FAAH2: variants seen among roughly 807,000 people sequenced by gnomAD.
The protein encoded by FAAH2 is fatty-acid amide hydrolase 2.
FAAH2 carries 60 observed loss-of-function variants against 36.9 expected under a neutral mutation model. The observed-to-expected ratio is 1.63, with a 90% CI of 1.32 to 2.02. The LOEUF is 2.02. Among genes scored for constraint, FAAH2 ranks in the 30% most tolerant of loss-of-function variants. The pLI is 0.00. For missense variants in FAAH2, 689 were observed against 397.5 expected (o/e 1.73, Z -6.23); for synonymous variants, 214 against 143.8 (o/e 1.49, Z -3.49).
Position 57,348,581 on chromosome X carries a change from C to A in FAAH2, c.742+7191C>A, listed in dbSNP as rs140267137. Among the ~76,000 whole-genome samples, 133 of 111,178 alleles carry A rather than the reference C, an allele frequency of 1.2e-3. 1 individual carries two copies. In the East Asian group the frequency reaches 0.02, roughly 17 times the overall value. The stretch of plus-strand genomic sequence containing the variant: ...TTAGCTACCACTGTGACCGCTGAAG[C>A]CTGAAGACAGGCCCAACTGGTGTCA... On this transcript the variant is annotated intron_variant, in intron 5 of 10. Coordinates refer to ENST00000374900, the MANE Select transcript of FAAH2 (RefSeq NM_174912.4).
chrX:57,192,142 T>A, the FAAH2 span, among the ~76,000 whole-genome samples: 16 of 111,988 alleles, frequency 1.4e-4, no homozygotes, highest in Admixed American at 1.3e-3. Flanking sequence ...CAATTTTTTT[T>A]AAATAAATGT....
intron 8 of FAAH2, among the ~76,000 whole-genome samples, chrX:57,442,951 G>T (rs987612631): frequency 2.7e-5 from 3 of 111,577 alleles, no homozygotes; most frequent in African/African-American, 9.8e-5. Flanking sequence ...ACTCTCTTCT[G>T]GTTTGTAGAG....
At chrX:57,375,529 G>A (rs990654077) in intron 5 of FAAH2, among the ~76,000 whole-genome samples, 9 of 109,786 alleles carry the variant, frequency 8.2e-5, no homozygotes, top group African/African-American at 2.3e-4. Context: ...GTTCATACTA[G>A]CCTTGTGTGA....
chrX:57,252,201 G>C, the FAAH2 span, among the ~76,000 whole-genome samples: 3 of 112,414 alleles, frequency 2.7e-5, no homozygotes, highest in East Asian at 8.5e-4. Context: ...TTGAGAAGGC[G>C]GTTCTATGCT....
the FAAH2 span, among the ~76,000 whole-genome samples, chrX:57,184,164 C>T: frequency 9.0e-6 from 1 of 111,519 alleles, no homozygotes; most frequent in African/African-American, 3.3e-5. Context: ...CTGCTTTTGT[C>T]GTTTGTCCTG....
At chrX:57,375,078 T>C (rs1467395513) in intron 5 of FAAH2, among the ~76,000 whole-genome samples, 1 of 111,079 alleles carries the variant, frequency 9.0e-6, no homozygotes, top group Non-Finnish European at 1.9e-5. Flanking sequence ...ACTCACTTGA[T>C]CATGGTAGAT....
chrX:57,168,527 A>G, the FAAH2 span, among the ~76,000 whole-genome samples: 1 of 112,229 alleles, frequency 8.9e-6, no homozygotes, highest in African/African-American at 3.2e-5. Flanking sequence ...CCTTTGGCTT[A>G]AAAGAGAAGG....
At chrX:57,263,062 TA>T in the FAAH2 span, among the ~76,000 whole-genome samples, 4 of 111,404 alleles carry the variant, frequency 3.6e-5, no homozygotes, top group African/African-American at 6.5e-5. Context: ...CAAAAATTTT[TA>T]TTCTCACCAC....
chrX:57,278,802 A>G, the FAAH2 span, among the ~76,000 whole-genome samples: 1 of 112,263 alleles, frequency 8.9e-6, no homozygotes, highest in South Asian at 3.7e-4. Context: ...AAGTATAAGA[A>G]CAGATACTTC....
chrX:57,196,466 G>A, the FAAH2 span, among the ~76,000 whole-genome samples: 1 of 111,275 alleles, frequency 9.0e-6, no homozygotes, highest in African/African-American at 3.3e-5. Flanking sequence ...TTCTGGATGA[G>A]TCTTTAGGGT....
At chrX:57,259,785 T>A in the FAAH2 span, among the ~76,000 whole-genome samples, 1 of 112,064 alleles carries the variant, frequency 8.9e-6, no homozygotes, top group African/African-American at 3.2e-5. Flanking sequence ...AAACACCACA[T>A]TGTATACCTT....
the FAAH2 span, among the ~76,000 whole-genome samples, chrX:57,184,931 G>A: frequency 9.0e-6 from 1 of 111,285 alleles, no homozygotes; most frequent in Non-Finnish European, 1.9e-5. Context: ...ACATGCTTTA[G>A]TTTTTTTATT....
chrX:57,393,746 C>A, intron 7 of FAAH2: 1 of 1,009,798 alleles, frequency 9.9e-7, no homozygotes, highest in Non-Finnish European at 1.4e-6. Flanking sequence ...CATAATTTCA[C>A]TGGCCACAGA....
the FAAH2 span, among the ~76,000 whole-genome samples, chrX:57,226,656 C>G: frequency 9.0e-6 from 1 of 111,321 alleles, no homozygotes; most frequent in African/African-American, 3.3e-5. Flanking sequence ...AATAGATTTC[C>G]CAGGTGTTCT....
chrX:57,385,589 C>G (rs1017459944), intron 7 of FAAH2, among the ~76,000 whole-genome samples: 12 of 111,447 alleles, frequency 1.1e-4, no homozygotes, highest in Non-Finnish European at 1.9e-4. Context: ...ATGGCATTAA[C>G]TAGGGCAGCC....
At chrX:57,273,169 G>T in the FAAH2 span, among the ~76,000 whole-genome samples, 1,237 of 111,800 alleles carry the variant, frequency 0.011, 11 homozygotes, top group African/African-American at 0.038. Context: ...ACAAAGAAGG[G>T]CATTACATTT....
chrX:57,228,231 T>A, the FAAH2 span, among the ~76,000 whole-genome samples: 1 of 111,727 alleles, frequency 9.0e-6, no homozygotes, highest in Non-Finnish European at 1.9e-5. Flanking sequence ...TTTTACCCCC[T>A]GCTCCTCTGG....
chrX:57,469,288 A>G (rs1461394484), intron 10 of FAAH2, among the ~76,000 whole-genome samples: 1 of 112,020 alleles, frequency 8.9e-6, no homozygotes, highest in Admixed American at 9.5e-5. Flanking sequence ...GCTCCTATTA[A>G]AAGACACAGA....
chrX:57,216,829 G>A, the FAAH2 span, among the ~76,000 whole-genome samples: 1 of 105,639 alleles, frequency 9.5e-6, no homozygotes, highest in East Asian at 3.0e-4. Flanking sequence ...TCTACTTTTA[G>A]GTCTTTAAGG....
Sources: gnomAD v4.1 joint callset for allele counts (sites outside exome capture counted in the v4.1 genomes callset) on GRCh38, gnomAD v4.1.1 for gene constraint, MANE v1.5 for transcripts, NCBI Gene and HGNC (gene_info 2026-07-23, HGNC 2026-07-21) for gene names.